RNF111: variants seen among roughly 807,000 people sequenced by gnomAD.
RNF111 encodes ring finger protein 111.
Under a neutral mutation model 95.1 loss-of-function variants are expected in RNF111, and 17 were observed. The observed-to-expected ratio is 0.18, with a 90% CI of 0.12 to 0.27. RNF111 has a LOEUF of 0.27. Ranked by LOEUF, RNF111 falls within the 10% of genes least tolerant of loss-of-function variation. The pLI is 1.00. For synonymous variants in RNF111, 440 were observed against 414.8 expected (o/e 1.06, Z -0.74); for missense variants, 1,189 against 1,210.4 (o/e 0.98, Z 0.26).
intron 1 of RNF111, among the ~76,000 whole-genome samples, chr15:59,004,995 T>G (rs2039475709): frequency 6.6e-6 from 1 of 152,206 alleles, no homozygotes; most frequent in Admixed American, 6.5e-5. Context: ...ATATAATCAG[T>G]GAGCAGAAGG....
At chr15:59,011,041 A>G (rs139787218) in intron 1 of RNF111, among the ~76,000 whole-genome samples, 3 of 152,208 alleles carry the variant, frequency 2.0e-5, no homozygotes, top group Admixed American at 6.5e-5. Context: ...CATCTTGAAG[A>G]TGAAAAATTG....
Position 59,094,434 on chromosome 15 carries a change from G to T in RNF111, c.2844-349G>T, listed in dbSNP as rs943375935. ...GGCATTACAAATACAGTGATGATTT[G>T]ATTTTTAAAAATATATTTGCAATAT... is the stretch of plus-strand genomic sequence containing the variant. On this transcript the variant is annotated intron_variant, in intron 13 of 13. Transcript: ENST00000348370. 3.3e-5 allele frequency among the ~76,000 whole-genome samples: 5 copies of T among 152,200 alleles called. No individual in the cohort carries two copies. The South Asian group carries it at 1.0e-3, about 32-fold the overall frequency.
chr15:59,075,855 G>T, intron 6 of RNF111, 99 bp from the exon 7 acceptor site: 2 of 1,297,982 alleles, frequency 1.5e-6, no homozygotes, highest in Non-Finnish European at 2.1e-6. Flanking sequence ...CTAATTTAAA[G>T]ATTATGTTTT....
intron 1 of RNF111, among the ~76,000 whole-genome samples, chr15:58,999,951 A>G (rs2039250378): frequency 6.6e-6 from 1 of 152,118 alleles, no homozygotes; most frequent in Non-Finnish European, 1.5e-5. Context: ...GAACTCCATA[A>G]TGAGAACAGC....
intron 2 of RNF111, among the ~76,000 whole-genome samples, chr15:59,035,870 T>C (rs971617771): frequency 1.3e-5 from 2 of 152,162 alleles, no homozygotes; most frequent in Non-Finnish European, 2.9e-5. Flanking sequence ...CTCTAGGAAG[T>C]TCCAAACTTC....
chr15:59,090,784 A>C (rs1220775349), intron 11 of RNF111, among the ~76,000 whole-genome samples: 2 of 152,118 alleles, frequency 1.3e-5, no homozygotes, highest in Admixed American at 1.3e-4. Flanking sequence ...TAAGTCAGGC[A>C]TGGTGGCTCA....
In RNF111 at chr15:58,991,516, A is replaced by G. The variant is rs535502170; in HGVS notation, c.-20+3448A>G. On this transcript the variant is annotated intron_variant, in intron 1 of 13. Transcript: ENST00000348370. ...CAGGTAGTGGTAAGTGCCATGAGGA[A>G]AATAGGACCATGTGATACGGCATGG... is the stretch of plus-strand genomic sequence containing the variant. Among the ~76,000 whole-genome samples the G allele has an allele frequency of 3.4e-4, 52 of 152,280 alleles. No homozygotes were observed. The South Asian group carries it at 6.6e-3, about 19-fold the overall frequency.
At chr15:59,045,842 A>C (rs1487742502) in intron 2 of RNF111, among the ~76,000 whole-genome samples, 1 of 152,220 alleles carries the variant, frequency 6.6e-6, no homozygotes, top group African/African-American at 2.4e-5. Flanking sequence ...TTATGAAGCA[A>C]GAGTTGGAAA....
chr15:59,075,888 TTATAA>T, intron 6 of RNF111, 61 bp from the exon 7 acceptor site: 1 of 1,526,384 alleles, frequency 6.6e-7, no homozygotes, highest in Non-Finnish European at 8.9e-7. Context: ...AGGAATACTT[TTATAA>T]TATAACATGA....
At chr15:59,050,407 T>C (rs776336407) in intron 2 of RNF111, 2 of 152,456 alleles carry the variant, frequency 1.3e-5, no homozygotes, top group Non-Finnish European at 2.9e-5. Flanking sequence ...TATTGGAAGA[T>C]GGTGGTTTCT....
intron 1 of RNF111, among the ~76,000 whole-genome samples, chr15:59,000,480 G>A (rs1046596996): frequency 1.8e-4 from 28 of 152,070 alleles, no homozygotes; most frequent in African/African-American, 6.3e-4. Context: ...GGGAGGCCGA[G>A]GCAGGCGGAT....
chr15:59,084,747 A>G (rs529524510), intron 9 of RNF111, among the ~76,000 whole-genome samples: 1 of 152,156 alleles, frequency 6.6e-6, no homozygotes, highest in East Asian at 1.9e-4. Flanking sequence ...CCCATCGACC[A>G]GCATCTCCCC....
rs2040907419 is a variant in RNF111, at chr15:59,031,542, A to G, written c.720A>G (p.Glu240=). 1 of 1,614,240 alleles carries G rather than the reference A, an allele frequency of 6.2e-7. No homozygotes were observed. The highest frequency in any genetic ancestry group is 8.5e-7 in the Non-Finnish European group (1 of 1,180,042). ...ERILMQRKKR[E]VLARRKYALL... is the part of the protein sequence containing the mutation. ...TATTAATGCAGAGGAAGAAACGAGA[A>G]GTGTTAGCTCGAAGAAAATATGCCT... is the stretch of plus-strand genomic sequence containing the variant. The change falls in exon 2 of 14, where the codon GAA becomes GAG. Residue 240 remains glutamate, a synonymous_variant. Coordinates refer to ENST00000348370, the MANE Select transcript of RNF111 (RefSeq NM_017610.8).
At chr15:59,054,649 T>C (rs79352787) in intron 3 of RNF111, among the ~76,000 whole-genome samples, 1,597 of 152,246 alleles carry the variant, frequency 0.01, 31 homozygotes, top group African/African-American at 0.037. Context: ...TTCTTAAGAA[T>C]TTTATTTTAG....
intron 12 of RNF111, among the ~76,000 whole-genome samples, chr15:59,092,226 T>C (rs1466500594): frequency 3.9e-5 from 6 of 152,198 alleles, no homozygotes; most frequent in Non-Finnish European, 2.9e-5. Context: ...TTTATGCTCA[T>C]GGTAGGATAA....
At chr15:59,090,252 T>C (rs1161375540) in intron 11 of RNF111, among the ~76,000 whole-genome samples, 1 of 152,172 alleles carries the variant, frequency 6.6e-6, no homozygotes, top group Non-Finnish European at 1.5e-5. Flanking sequence ...TTTTTTTAGA[T>C]GGAGTCTTGC....
chr15:59,037,858 A>G (rs2041258700), intron 2 of RNF111, among the ~76,000 whole-genome samples: 1 of 152,106 alleles, frequency 6.6e-6, no homozygotes, highest in East Asian at 1.9e-4. Context: ...TAGGTATTAC[A>G]GATTATATCT....
At chr15:59,089,233 C>G (rs1236784305) in intron 10 of RNF111, among the ~76,000 whole-genome samples, 3 of 151,936 alleles carry the variant, frequency 2.0e-5, no homozygotes, top group African/African-American at 7.3e-5. Context: ...AATTAGAAAA[C>G]AGTGTTAAAA....
At chr15:59,013,983 G>C (rs1374726271) in intron 1 of RNF111, among the ~76,000 whole-genome samples, 2 of 152,016 alleles carry the variant, frequency 1.3e-5, no homozygotes, top group African/African-American at 4.8e-5. Context: ...GGAGACAAAG[G>C]TTTCACTATA....
Sources: allele counts gnomAD v4.1 joint callset (sites outside exome capture counted in the v4.1 genomes callset), GRCh38; gene constraint gnomAD v4.1.1; transcripts MANE v1.5; gene names NCBI Gene and HGNC (gene_info 2026-07-23, HGNC 2026-07-21).